The following STAU1 variants were observed in gnomAD, a reference collection of about 807,000 sequenced individuals.
STAU1 encodes staufen double-stranded RNA binding protein 1, also known as double-stranded RNA-binding protein Staufen homolog 1.
Under a neutral mutation model 62.9 loss-of-function variants are expected in STAU1, and 13 were observed. The observed-to-expected ratio is 0.21, with a 90% CI of 0.13 to 0.33. The LOEUF (loss-of-function observed/expected upper bound fraction) is 0.33, where lower values mean the gene tolerates loss of function less well. Ranked by LOEUF, STAU1 falls within the 10% of genes least tolerant of loss-of-function variation. The probability of loss-of-function intolerance (pLI) is 1.00; values close to 1 mark genes in which losing one functional copy is unlikely to be tolerated. For missense variants in STAU1, 571 were observed against 712.1 expected (o/e 0.80, Z 2.25); for synonymous variants, 269 against 265.1 (o/e 1.01, Z -0.14).
chr20:49,191,778 C>T (rs2146672892), upstream of STAU1, among the ~76,000 whole-genome samples: 1 of 152,230 alleles, frequency 6.6e-6, no homozygotes, highest in Admixed American at 6.6e-5. Context: ...GGGCCGGGCG[C>T]AGTGGCTTAC....
chr20:49,206,637 T>C, the STAU1 span, among the ~76,000 whole-genome samples: 2 of 145,358 alleles, frequency 1.4e-5, no homozygotes, highest in Non-Finnish European at 3.0e-5. Flanking sequence ...ACTGAGATTA[T>C]AGGCATGAGC....
chr20:49,191,966 A>C (rs2093831888), upstream of STAU1, among the ~76,000 whole-genome samples: 1 of 151,662 alleles, frequency 6.6e-6, no homozygotes, highest in African/African-American at 2.4e-5. Flanking sequence ...CAGGAGAATC[A>C]CTTGAACCTG....
intron 5 of STAU1, among the ~76,000 whole-genome samples, chr20:49,142,179 T>C (rs2093022839): frequency 6.6e-6 from 1 of 152,162 alleles, no homozygotes; most frequent in South Asian, 2.1e-4. Context: ...CTCCGCCTCC[T>C]GGGTTCCAGT....
chr20:49,165,310 T>TG (rs1243713995), intron 3 of STAU1, among the ~76,000 whole-genome samples: 2 of 151,896 alleles, frequency 1.3e-5, no homozygotes, highest in Non-Finnish European at 2.9e-5. Context: ...CCCAAAGTGC[T>TG]GGGATTACAG....
At chr20:49,155,581 T>G (rs146015841) in intron 3 of STAU1, among the ~76,000 whole-genome samples, 110 of 152,290 alleles carry the variant, frequency 7.2e-4, no homozygotes, top group African/African-American at 2.4e-3. Context: ...AGGATGTATA[T>G]AGAGAGAAAT....
chr20:49,176,293 C>A (rs1260830678), intron 1 of STAU1, among the ~76,000 whole-genome samples: 1 of 152,064 alleles, frequency 6.6e-6, no homozygotes, highest in African/African-American at 2.4e-5. Flanking sequence ...TATTAAATTG[C>A]AGAATATGAA....
Position 49,117,413 on chromosome 20 carries a change from A to T in STAU1, c.1510-165T>A, listed in dbSNP as rs1305504321. Among the ~76,000 whole-genome samples the T allele has an allele frequency of 1.3e-5, 2 of 152,132 alleles. No homozygotes were observed. Among genetic ancestry groups the T allele is most frequent in the Non-Finnish European group, 2.9e-5 (2 of 68,024 alleles). ...CCCTGTCAGCCCAGAACCTTCCAGGAACCTAGGTGTCTGCTCAGAAGCCCA... is the reference window on the plus strand; with the variant it reads ...CCCTGTCAGCCCAGAACCTTCCAGGTACCTAGGTGTCTGCTCAGAAGCCCA... On this transcript the variant is annotated intron_variant, in intron 11 of 13. Transcript: ENST00000371856. This position sits in a 1 kb window ranked among gnomAD's most constrained non-coding sequence, Gnocchi z 4.6.
chr20:49,215,640 A>G, the STAU1 span, among the ~76,000 whole-genome samples: 1 of 152,192 alleles, frequency 6.6e-6, no homozygotes, highest in East Asian at 1.9e-4. Context: ...CCACTACTCA[A>G]TAGTAGAATA....
At chr20:49,184,537 T>G (rs1296582427) in intron 1 of STAU1, among the ~76,000 whole-genome samples, 1 of 151,896 alleles carries the variant, frequency 6.6e-6, no homozygotes, top group Non-Finnish European at 1.5e-5. Context: ...CCACAGACAG[T>G]TTTTTTTCTC....
chr20:49,118,940 G>C (rs2092398942), intron 9 of STAU1, among the ~76,000 whole-genome samples: 1 of 152,202 alleles, frequency 6.6e-6, no homozygotes, highest in Admixed American at 6.5e-5. Context: ...TGTCCTACAA[G>C]ATTCTGAAAT....
chr20:49,181,539 C>T (rs539954834), intron 1 of STAU1, among the ~76,000 whole-genome samples: 18 of 152,048 alleles, frequency 1.2e-4, no homozygotes, highest in Admixed American at 7.2e-4. Context: ...CTAAGGCAGG[C>T]GGATTGCCTG....
intron 1 of STAU1, among the ~76,000 whole-genome samples, chr20:49,175,992 C>T (rs2093656281): frequency 6.6e-6 from 1 of 151,878 alleles, no homozygotes; most frequent in Admixed American, 6.6e-5. Flanking sequence ...GACGGGGTTT[C>T]ATCGTGTTAG....
intron 3 of STAU1, among the ~76,000 whole-genome samples, chr20:49,164,016 G>A (rs1014851931): frequency 2.0e-5 from 3 of 152,130 alleles, no homozygotes; most frequent in Non-Finnish European, 4.4e-5. Context: ...CTGATCACTT[G>A]AGATCAGGAG....
intron 4 of STAU1, 54 bp downstream of exon 4, chr20:49,153,879 A>T: frequency 6.6e-7 from 1 of 1,520,220 alleles, no homozygotes; most frequent in Non-Finnish European, 8.8e-7. Context: ...TATGTAAAAG[A>T]TCAGACACGT....
At chr20:49,178,170 C>T (rs2093682510) in intron 1 of STAU1, among the ~76,000 whole-genome samples, 1 of 152,144 alleles carries the variant, frequency 6.6e-6, no homozygotes, top group Admixed American at 6.6e-5. Context: ...AAGCAAGACT[C>T]CATCTCAAAA....
chr20:49,168,811 T>G (rs1009635922), intron 2 of STAU1, among the ~76,000 whole-genome samples: 1 of 152,166 alleles, frequency 6.6e-6, no homozygotes, highest in African/African-American at 2.4e-5. Context: ...ATTTAGTGGA[T>G]AGAGGAGCCA....
At chr20:49,125,443 C>T (rs144622323) in intron 6 of STAU1, among the ~76,000 whole-genome samples, 1,763 of 149,764 alleles carry the variant, frequency 0.012, 38 homozygotes, top group African/African-American at 0.04. Context: ...GGCACAAAAA[C>T]CCCTTGAACC....
In STAU1 at chr20:49,143,199, G is replaced by A. The variant is rs576935175; in HGVS notation, c.511-7268C>T. 4.6e-5 allele frequency among the ~76,000 whole-genome samples: 7 copies of A among 152,310 alleles called. No individual in the cohort carries two copies. In the East Asian group the frequency reaches 1.3e-3, roughly 29 times the overall value. ...CTACAAAAACCATTCCCAGTAAAAT[G>A]AGGAAGGTTTAGTGGGCACTTAGTC... On this transcript the variant is annotated intron_variant, in intron 5 of 13. Coordinates refer to ENST00000371856, the MANE Select transcript of STAU1 (RefSeq NM_017453.4).
the STAU1 span, among the ~76,000 whole-genome samples, chr20:49,201,087 A>T: frequency 6.8e-6 from 1 of 147,416 alleles, no homozygotes; most frequent in Non-Finnish European, 1.5e-5. Flanking sequence ...GAAGAAGAAG[A>T]AAAGAAAAGA....
Sources: gnomAD v4.1 joint callset for allele counts (sites outside exome capture counted in the v4.1 genomes callset) on GRCh38, gnomAD v4.1.1 for gene constraint, Gnocchi (gnomAD v3.1) non-coding constraint, MANE v1.5 for transcripts, NCBI Gene and HGNC (gene_info 2026-07-23, HGNC 2026-07-21) for gene names.